The following ADCY8 variants were observed in gnomAD, a reference collection of about 807,000 sequenced individuals.
ADCY8 encodes adenylate cyclase 8.
A neutral mutation model predicts 119.7 loss-of-function variants in ADCY8; 51 were observed. The ratio of observed to expected loss-of-function variants is 0.43; its 90% CI spans 0.34 to 0.54. ADCY8 has a LOEUF of 0.54. Ranked by LOEUF, ADCY8 falls within the 20% of genes least tolerant of loss-of-function variation. ADCY8 has a pLI of 0.03. For synonymous variants in ADCY8, 665 were observed against 651.0 expected (o/e 1.02, Z -0.33); for missense variants, 1,383 against 1,598.8 (o/e 0.87, Z 2.30).
chr8:130,932,474 G>A (rs532092610), intron 5 of ADCY8, among the ~76,000 whole-genome samples: 1 of 152,204 alleles, frequency 6.6e-6, no homozygotes, highest in East Asian at 1.9e-4. Flanking sequence ...AAAGTCCTAT[G>A]CCCACTTCCT....
chr8:130,992,431 T>TATA (rs1822624325), intron 1 of ADCY8, among the ~76,000 whole-genome samples: 1 of 26,960 alleles, frequency 3.7e-5, no homozygotes, highest in African/African-American at 1.5e-4. Flanking sequence ...ATATATATAT[T>TATA]TGAGATAGGG....
chr8:131,016,259 C>T (rs1823472240), intron 1 of ADCY8, among the ~76,000 whole-genome samples: 1 of 152,030 alleles, frequency 6.6e-6, no homozygotes, highest in African/African-American at 2.4e-5. Flanking sequence ...CATGGTGGCT[C>T]ACACTTGCAA....
intron 6 of ADCY8, 33 bp from the exon 7 acceptor site, chr8:130,904,075 C>T (rs201257763): frequency 3.2e-6 from 5 of 1,571,484 alleles, no homozygotes; most frequent in Non-Finnish European, 4.3e-6. Context: ...ATTACACACT[C>T]CTGATGTTGC....
intron 17 of ADCY8, among the ~76,000 whole-genome samples, 185 bp downstream of exon 17, chr8:130,783,506 C>T (rs532203128): frequency 6.6e-6 from 1 of 152,336 alleles, no homozygotes; most frequent in African/African-American, 2.4e-5. Flanking sequence ...TTGTTTCCAG[C>T]ATCTTGACTG....
At chr8:131,026,130 A>T (rs1271944070) in intron 1 of ADCY8, among the ~76,000 whole-genome samples, 2 of 152,038 alleles carry the variant, frequency 1.3e-5, no homozygotes, top group Admixed American at 6.5e-5. Context: ...CAAAATACAC[A>T]TGTTAAAATG....
intron 5 of ADCY8, among the ~76,000 whole-genome samples, chr8:130,926,434 A>T (rs185166246): frequency 1.6e-4 from 25 of 152,234 alleles, no homozygotes; most frequent in African/African-American, 5.8e-4. Flanking sequence ...ACTCTTGCCC[A>T]CTTTGCATTT....
intron 1 of ADCY8, among the ~76,000 whole-genome samples, chr8:131,018,848 A>G (rs1393720631): frequency 6.6e-6 from 1 of 152,140 alleles, no homozygotes; most frequent in Non-Finnish European, 1.5e-5. Context: ...GAAATATAGG[A>G]GTGTTAATCT....
chr8:130,935,710 A>G (rs1299079495), intron 5 of ADCY8, among the ~76,000 whole-genome samples: 1 of 152,200 alleles, frequency 6.6e-6, no homozygotes, highest in Non-Finnish European at 1.5e-5. Flanking sequence ...CTGTACGCCT[A>G]TTGCCCACTG....
At chr8:130,908,549 T>G (rs1055113321) in intron 6 of ADCY8, among the ~76,000 whole-genome samples, 1 of 152,128 alleles carries the variant, frequency 6.6e-6, no homozygotes, top group African/African-American at 2.4e-5. Flanking sequence ...TGAGATAATC[T>G]TCAGAGGAGA....
chr8:130,841,282 G>A (rs1433269415), intron 11 of ADCY8, among the ~76,000 whole-genome samples: 1 of 151,988 alleles, frequency 6.6e-6, no homozygotes, highest in Non-Finnish European at 1.5e-5. Flanking sequence ...ATTATTCTTG[G>A]GTCCACTTTA....
chr8:131,027,689 G>A (rs1295046308), intron 1 of ADCY8, among the ~76,000 whole-genome samples: 1 of 152,168 alleles, frequency 6.6e-6, no homozygotes, highest in East Asian at 1.9e-4. Flanking sequence ...CAGATTGCCA[G>A]GTCTTAAGCT....
At chr8:130,791,251 G>A (rs1053745208) in intron 15 of ADCY8, among the ~76,000 whole-genome samples, 5 of 152,222 alleles carry the variant, frequency 3.3e-5, no homozygotes, top group Non-Finnish European at 7.3e-5. Context: ...GGGAAAAGGG[G>A]AGAATGCTGG....
chr8:130,922,931 G>GAA (rs1171265487), intron 5 of ADCY8, among the ~76,000 whole-genome samples: 3 of 152,298 alleles, frequency 2.0e-5, no homozygotes, highest in South Asian at 4.1e-4. Context: ...TTTGGAAATT[G>GAA]TTCTTCACAG....
At position 130,867,960 on chromosome 8, in the gene ADCY8, AAG is replaced by A; in HGVS notation, c.2110-16_2110-15del. 6.3e-7 allele frequency: 1 copy of A among 1,576,200 alleles called. No homozygotes were observed. Among genetic ancestry groups the A allele is most frequent in the African/African-American group, 1.3e-5 (1 of 74,218 alleles). Reference sequence around the variant, plus strand: ...CATTTGAGAATACTGTAATTAAAAAAAGAGAGAATGAGTTACTTTGCAGCAGA... The same window carrying A: ...CATTTGAGAATACTGTAATTAAAAAAAGAGAATGAGTTACTTTGCAGCAGA... On this transcript the variant is annotated splice_polypyrimidine_tract_variant and intron_variant, in intron 8 of 17. Transcript: ENST00000286355.
At chr8:130,970,225 G>T (rs1410994713) in intron 2 of ADCY8, among the ~76,000 whole-genome samples, 1 of 152,160 alleles carries the variant, frequency 6.6e-6, no homozygotes, top group African/African-American at 2.4e-5. Flanking sequence ...GGTAAGCAGT[G>T]GGCAAGCCGA....
Position 130,996,678 on chromosome 8 carries a change from T to C in ADCY8, c.961-6136A>G, listed in dbSNP as rs185610347. ...AGTCACCTCATATTATATGCAAAAATAAATGCCAATGGATTAGAGCTAAAT... is the reference window on the plus strand; with the variant it reads ...AGTCACCTCATATTATATGCAAAAACAAATGCCAATGGATTAGAGCTAAAT... On this transcript the variant is annotated intron_variant, in intron 1 of 17. Coordinates refer to ENST00000286355, the MANE Select transcript of ADCY8 (RefSeq NM_001115.3). 6.8e-3 allele frequency among the ~76,000 whole-genome samples: 1,034 copies of C among 151,976 alleles called. 15 individuals are homozygous for C. The highest frequency in any genetic ancestry group is 0.023 in the African/African-American group (955 of 41,476).
intron 15 of ADCY8, among the ~76,000 whole-genome samples, chr8:130,797,137 C>A (rs1165452453): frequency 1.3e-5 from 2 of 152,226 alleles, no homozygotes; most frequent in Non-Finnish European, 1.5e-5. Flanking sequence ...CTTGTCCAAC[C>A]TGCGGCCCAC....
At chr8:130,823,291 A>G (rs1281790385) in intron 12 of ADCY8, among the ~76,000 whole-genome samples, 2 of 152,242 alleles carry the variant, frequency 1.3e-5, no homozygotes, top group Non-Finnish European at 2.9e-5. Context: ...TGGAAAAAAC[A>G]GCCTGAGCAC....
At position 130,950,727 on chromosome 8, in the gene ADCY8, G is replaced by A. The variant is rs547714124; in HGVS notation, c.1241+1141C>T. ...TATTATTATTATTTTTTGAGATAGA[G>A]TCTTGCTCTGTTGCCAGGCTGGAGT... On this transcript the variant is annotated intron_variant, in intron 3 of 17. Transcript: ENST00000286355. Among the ~76,000 whole-genome samples the A allele has an allele frequency of 5.5e-4, 84 of 152,230 alleles. 2 individuals are homozygous for A. In the Middle Eastern group the frequency reaches 0.017, roughly 31 times the overall value.
Sources: gnomAD v4.1 joint callset for allele counts (sites outside exome capture counted in the v4.1 genomes callset) on GRCh38, gnomAD v4.1.1 for gene constraint, MANE v1.5 for transcripts, NCBI Gene and HGNC (gene_info 2026-07-23, HGNC 2026-07-21) for gene names.